DPP10: variants seen among roughly 807,000 people sequenced by gnomAD.
The protein encoded by DPP10 is dipeptidyl peptidase like 10.
Under a neutral mutation model 120.9 loss-of-function variants are expected in DPP10, and 33 were observed. The observed-to-expected ratio is 0.27, with a 90% confidence interval of 0.21 to 0.37. The LOEUF is 0.37. Ranked by LOEUF, DPP10 falls within the 10% of genes least tolerant of loss-of-function variation. The pLI is 1.00. For synonymous variants in DPP10, 337 were observed against 326.1 expected, an observed-to-expected ratio of 1.03 and a Z score of -0.36; for missense variants, 816 against 942.8, an observed-to-expected ratio of 0.87 and a Z score of 1.76.
intron 1 of DPP10, among the ~76,000 whole-genome samples, chr2:115,276,339 C>T (rs1484320969): frequency 6.6e-6 from 1 of 152,090 alleles, no homozygotes; most frequent in African/African-American, 2.4e-5. Flanking sequence ...TGTAGAGAAT[C>T]AAAGGCCAGA....
At chr2:115,727,548 A>G (rs2092795574) in intron 7 of DPP10, among the ~76,000 whole-genome samples, 2 of 152,272 alleles carry the variant, frequency 1.3e-5, no homozygotes, top group African/African-American at 4.8e-5. Context: ...ATTATTAAGT[A>G]GTTGAAATAT....
intron 5 of DPP10, among the ~76,000 whole-genome samples, chr2:115,624,400 C>T (rs1027347345): frequency 2.0e-5 from 3 of 151,966 alleles, no homozygotes; most frequent in African/African-American, 7.3e-5. Context: ...TTTGTCAAGC[C>T]CCCCAAAAGG....
chr2:115,751,215 A>G (rs1678663950), intron 10 of DPP10, among the ~76,000 whole-genome samples: 1 of 152,152 alleles, frequency 6.6e-6, no homozygotes, highest in East Asian at 1.9e-4. Context: ...TCATTTTTCT[A>G]TAAACTAAAT....
chr2:115,061,976 G>GT (rs1015069467), intron 1 of DPP10, among the ~76,000 whole-genome samples: 7 of 148,258 alleles, frequency 4.7e-5, no homozygotes, highest in East Asian at 2.0e-4. Context: ...CTTTTCTGTT[G>GT]TTTTTTTTAA....
intron 1 of DPP10, among the ~76,000 whole-genome samples, chr2:114,733,042 A>G (rs1677068563): frequency 6.6e-6 from 1 of 152,198 alleles, no homozygotes. Flanking sequence ...TGCATCCAGA[A>G]AGTAAAGAAG....
chr2:114,480,494 G>A (rs2104672921), intron 1 of DPP10, among the ~76,000 whole-genome samples: 1 of 152,138 alleles, frequency 6.6e-6, no homozygotes, highest in African/African-American at 2.4e-5. Context: ...AAGAAAATGT[G>A]ACACACATAC....
chr2:114,704,717 G>A (rs964199298), intron 1 of DPP10, among the ~76,000 whole-genome samples: 2 of 152,140 alleles, frequency 1.3e-5, no homozygotes, highest in African/African-American at 2.4e-5. Flanking sequence ...TACCTACAGG[G>A]TGAGAAATGT....
intron 4 of DPP10, among the ~76,000 whole-genome samples, chr2:115,505,506 A>G (rs1459450634): frequency 6.6e-6 from 1 of 152,168 alleles, no homozygotes; most frequent in Non-Finnish European, 1.5e-5. Context: ...AGCTAGATTT[A>G]TAACAACTGT....
chr2:115,174,102 G>A (rs1376002417), intron 1 of DPP10, among the ~76,000 whole-genome samples: 4 of 152,162 alleles, frequency 2.6e-5, no homozygotes, highest in Admixed American at 2.6e-4. Flanking sequence ...TTAATAAGAA[G>A]ATGTATTGTA....
chr2:114,651,004 T>C (rs557752368), intron 1 of DPP10, among the ~76,000 whole-genome samples: 1 of 152,178 alleles, frequency 6.6e-6, no homozygotes, highest in East Asian at 1.9e-4. Flanking sequence ...GAGCTTAGAG[T>C]GACATTCAAG....
intron 3 of DPP10, among the ~76,000 whole-genome samples, chr2:115,478,473 A>C (rs992672712): frequency 6.6e-6 from 1 of 152,204 alleles, no homozygotes; most frequent in Non-Finnish European, 1.5e-5. Context: ...AGCAGGACAA[A>C]AGCCTCAAGA....
intron 1 of DPP10, among the ~76,000 whole-genome samples, chr2:115,258,780 C>A (rs934005816): frequency 6.6e-6 from 1 of 151,952 alleles, no homozygotes; most frequent in Non-Finnish European, 1.5e-5. Flanking sequence ...TCCTGTAGTC[C>A]CAGATACTGT....
At chr2:115,174,932 A>T (rs1478048879) in intron 1 of DPP10, among the ~76,000 whole-genome samples, 2 of 152,220 alleles carry the variant, frequency 1.3e-5, no homozygotes, top group Non-Finnish European at 2.9e-5. Flanking sequence ...TATGAAGGCT[A>T]GAGGAGAACA....
At chr2:114,947,399 A>G (rs1697447837) in intron 1 of DPP10, among the ~76,000 whole-genome samples, 1 of 150,580 alleles carries the variant, frequency 6.6e-6, no homozygotes, top group African/African-American at 2.4e-5. Flanking sequence ...TTTTTAATTG[A>G]TCATTTATAA....
intron 1 of DPP10, among the ~76,000 whole-genome samples, chr2:114,805,917 C>T (rs1239339329): frequency 6.6e-6 from 1 of 152,178 alleles, no homozygotes; most frequent in African/African-American, 2.4e-5. Context: ...ATCATGTACC[C>T]TCATGGAGGG....
chr2:115,164,698 G>A (rs979188831), intron 1 of DPP10, among the ~76,000 whole-genome samples: 8 of 152,132 alleles, frequency 5.3e-5, no homozygotes, highest in African/African-American at 1.9e-4. Flanking sequence ...AATCCTTCCT[G>A]TAACTGAAAA....
At chr2:114,631,331 G>A (rs139549987) in intron 1 of DPP10, among the ~76,000 whole-genome samples, 6 of 151,954 alleles carry the variant, frequency 3.9e-5, no homozygotes, top group Non-Finnish European at 7.4e-5. Flanking sequence ...GCCTCCTTCC[G>A]AGACAGCACC....
chr2:114,730,881 C>T (rs1406787489), intron 1 of DPP10, among the ~76,000 whole-genome samples: 1 of 151,854 alleles, frequency 6.6e-6, no homozygotes. Flanking sequence ...TGAGCAACTG[C>T]ACCTGGTCCA....
At chr2:114,714,601 T>G (rs1701238536) in intron 1 of DPP10, among the ~76,000 whole-genome samples, 1 of 152,138 alleles carries the variant, frequency 6.6e-6, no homozygotes, top group Non-Finnish European at 1.5e-5. Context: ...TCTGGCTCCT[T>G]GAAAGTTCTT....
Sources: allele counts gnomAD v4.1 joint callset (sites outside exome capture counted in the v4.1 genomes callset), GRCh38; gene constraint gnomAD v4.1.1; transcripts MANE v1.5; gene names NCBI Gene and HGNC (gene_info 2026-07-23, HGNC 2026-07-21).